COPA: variants seen among roughly 807,000 people sequenced by gnomAD.
COPA encodes coat protein complex I subunit alpha.
In COPA, 10 loss-of-function variants were observed where a neutral mutation model predicts 158.7. The observed-to-expected ratio is 0.06, with a 90% CI of 0.04 to 0.11. The LOEUF (loss-of-function observed/expected upper bound fraction) is 0.11, where lower values mean the gene tolerates loss of function less well. Among genes scored for constraint, COPA ranks in the 10% least tolerant of loss-of-function variants. COPA has a pLI of 1.00. For missense variants in COPA, 1,065 were observed against 1,536.7 expected, an observed-to-expected ratio of 0.69 and a Z score of 5.13; for synonymous variants, 462 against 542.8, an observed-to-expected ratio of 0.85 and a Z score of 2.07.
chr1:160,335,384 A>C, intron 3 of COPA, 62 bp from the exon 4 acceptor site: 1 of 1,319,920 alleles, frequency 7.6e-7, no homozygotes, highest in Admixed American at 2.1e-5. Context: ...AGGCTCAGAG[A>C]AATTGATATC....
intron 17 of COPA, among the ~76,000 whole-genome samples, chr1:160,304,010 G>A (rs1658699188): frequency 6.6e-6 from 1 of 151,912 alleles, no homozygotes. Context: ...GACAAGAAAG[G>A]AAATTTTTTG....
chr1:160,306,015 C>T (rs1343220218), intron 15 of COPA: 1 of 582,330 alleles, frequency 1.7e-6, no homozygotes, highest in African/African-American at 1.9e-5. Flanking sequence ...ATTAGGGAAT[C>T]TGTGTATGTC....
intron 6 of COPA, among the ~76,000 whole-genome samples, chr1:160,329,635 C>T (rs76065067): frequency 0.013 from 1,963 of 152,190 alleles, 22 homozygotes; most frequent in Middle Eastern, 0.02. Flanking sequence ...CTCAACCCGG[C>T]GTTCTGGAAA....
rs1274215639 is a variant in COPA at position 160,292,599 on chromosome 1, C to A, written c.2845G>T (p.Val949Leu). ...AMRLLHDQVG[V>L]IQFGPYKQLF... ...TGCTTGTAGGGGCCAAACTGGATTA[C>A]CCCTACTTGGTCATGAAGGAGCTGG... is the stretch of plus-strand genomic sequence containing the variant. The change falls in exon 28 of 33, where the codon GTA becomes TTA. Residue 949 changes from valine (V) to leucine (L), a missense_variant. Physicochemically the swap from Val to Leu is conservative, Grantham distance 32 (BLOSUM62 1). This residue lies in a region of COPA where 980 missense variants were observed against 1,357.8 expected (regional missense o/e 0.72). Transcript: ENST00000241704. 1 of 1,608,886 alleles carries A rather than the reference C, an allele frequency of 6.2e-7. No individual in the cohort carries two copies. The highest frequency in any genetic ancestry group is 1.3e-5 in the African/African-American group (1 of 74,540).
chr1:160,322,989 G>GCGCA (rs1553206131), intron 8 of COPA, among the ~76,000 whole-genome samples: 5 of 145,320 alleles, frequency 3.4e-5, no homozygotes, highest in East Asian at 2.1e-4. Flanking sequence ...ACGCGCACGT[G>GCGCA]CACACACACA....
chr1:160,290,321 G>T, intron 32 of COPA, 105 bp from the exon 33 acceptor site: 1 of 1,420,288 alleles, frequency 7.0e-7, no homozygotes, highest in Non-Finnish European at 9.8e-7. Context: ...CAGGTATTGG[G>T]GTGTTCATCA....
At chr1:160,308,176 G>A (rs1253563245) in intron 13 of COPA, among the ~76,000 whole-genome samples, 1 of 56,616 alleles carries the variant, frequency 1.8e-5, no homozygotes. Context: ...AAACACAGAT[G>A]GGGAAAAAAA....
intron 9 of COPA, 50 bp from the exon 10 acceptor site, chr1:160,313,217 G>C: frequency 6.6e-7 from 1 of 1,526,070 alleles, no homozygotes; most frequent in South Asian, 1.1e-5. Flanking sequence ...GGAATCTTCA[G>C]CCCATCCTAC....
chr1:160,329,619 G>A (rs74123104), intron 6 of COPA, among the ~76,000 whole-genome samples: 5,019 of 152,074 alleles, frequency 0.033, 276 homozygotes, highest in African/African-American at 0.12. Flanking sequence ...TTACAGTGGA[G>A]CCCTTCTCAA....
At chr1:160,314,252 T>C in intron 8 of COPA, 127 bp from the exon 9 acceptor site, 1 of 907,062 alleles carries the variant, frequency 1.1e-6, no homozygotes. Context: ...AACTTCTTTC[T>C]AATATGGCAA....
chr1:160,324,818 A>C (rs1659440750), intron 7 of COPA, among the ~76,000 whole-genome samples: 1 of 152,222 alleles, frequency 6.6e-6, no homozygotes, highest in Admixed American at 6.5e-5. Context: ...GTATAAAGAG[A>C]TCTTCAGACC....
At chr1:160,333,730 T>C in intron 4 of COPA, 51 bp from the exon 5 acceptor site, 1 of 1,437,314 alleles carries the variant, frequency 7.0e-7, no homozygotes, top group Non-Finnish European at 9.7e-7. Context: ...ATCTGTTCTA[T>C]CAGGTTCTTG....
At chr1:160,327,626 G>C (rs887519529) in intron 6 of COPA, among the ~76,000 whole-genome samples, 18 of 152,128 alleles carry the variant, frequency 1.2e-4, no homozygotes, top group Admixed American at 1.0e-3. Context: ...GGGAGGCCAA[G>C]GCAGGTGGAA....
intron 15 of COPA, 125 bp from the exon 16 acceptor site, chr1:160,305,898 A>T: frequency 5.1e-6 from 4 of 783,352 alleles, no homozygotes; most frequent in Non-Finnish European, 6.4e-6. Flanking sequence ...CTAATTACAT[A>T]AAATACTTAA....
At chr1:160,341,256 T>G (rs538278721) in intron 1 of COPA, among the ~76,000 whole-genome samples, 1 of 152,342 alleles carries the variant, frequency 6.6e-6, no homozygotes. Context: ...AGACATAGGC[T>G]TTAGTATTTT....
At chr1:160,313,477 C>T (rs1445836723) in intron 9 of COPA, among the ~76,000 whole-genome samples, 2 of 151,754 alleles carry the variant, frequency 1.3e-5, no homozygotes, top group Admixed American at 6.6e-5. Flanking sequence ...TGCAGTGGCG[C>T]GATCTCGGCT....
At chr1:160,333,504 AG>A (rs763903102) in intron 5 of COPA, 98 bp downstream of exon 5, 5 of 809,718 alleles carry the variant, frequency 6.2e-6, no homozygotes, top group Non-Finnish European at 8.0e-6. Context: ...CAGCCGACAT[AG>A]TCCATTTGAG....
chr1:160,320,918 T>C (rs998666961), intron 8 of COPA, among the ~76,000 whole-genome samples: 11 of 151,240 alleles, frequency 7.3e-5, no homozygotes, highest in Non-Finnish European at 1.3e-4. Context: ...TACAGGCCGA[T>C]ATCACTGATG....
rs77097084 is a variant in COPA, at chr1:160,335,254, C to A, written c.297G>T (p.Thr99=). 1.9e-6 allele frequency: 3 copies of A among 1,608,874 alleles called. No homozygotes were observed. Among genetic ancestry groups the A allele is most frequent in the African/African-American group, 1.3e-5 (1 of 74,656 alleles). Residue 99 remains threonine, a synonymous_variant, in exon 4 of 33, where the codon ACG becomes ACT. Transcript: ENST00000241704. ...CATGACTACTTACATGATGAAAAAA[C>A]GTGGTGCGAATATAATCTAAGTGCC... is the stretch of plus-strand genomic sequence containing the variant. ...LLGHLDYIRT[T]FFHHEYPWIL...
Sources: allele counts gnomAD v4.1 joint callset (sites outside exome capture counted in the v4.1 genomes callset), GRCh38; gene constraint gnomAD v4.1.1; regional missense constraint gnomAD v4.1.1; transcripts MANE v1.5; gene names NCBI Gene and HGNC (gene_info 2026-07-23, HGNC 2026-07-21).